TAOK3: variants seen among roughly 807,000 people sequenced by gnomAD.
TAOK3 encodes the protein serine/threonine-protein kinase TAO3.
Under a neutral mutation model 120.4 loss-of-function variants are expected in TAOK3, and 40 were observed. The ratio of observed to expected loss-of-function variants is 0.33; its 90% CI spans 0.26 to 0.43. TAOK3 has a LOEUF of 0.43. Among genes scored for constraint, TAOK3 ranks in the 20% least tolerant of loss-of-function variants. The probability of loss-of-function intolerance (pLI) is 1.00; values close to 1 mark genes in which losing one functional copy is unlikely to be tolerated. For missense variants in TAOK3, 821 were observed against 1,112.1 expected, an observed-to-expected ratio of 0.74 and a Z score of 3.72; for synonymous variants, 355 against 387.5, an observed-to-expected ratio of 0.92 and a Z score of 0.99.
intron 7 of TAOK3, chr12:118,236,094 T>C (rs1593253053): frequency 6.2e-6 from 1 of 162,034 alleles, no homozygotes; most frequent in East Asian, 1.7e-4. Context: ...TGTGACATTT[T>C]TGGAGCCTAA....
intron 1 of TAOK3, among the ~76,000 whole-genome samples, chr12:118,288,704 T>A (rs2140494151): frequency 6.6e-6 from 1 of 151,556 alleles, no homozygotes; most frequent in Admixed American, 6.6e-5. Context: ...TTTCCTGAGC[T>A]CAGGCATTCA....
intron 6 of TAOK3, 83 bp downstream of exon 6, chr12:118,239,144 C>T: frequency 1.1e-6 from 1 of 905,136 alleles, no homozygotes; most frequent in Non-Finnish European, 1.8e-6. Context: ...AATTAGACTG[C>T]CCAAACTACA....
intron 19 of TAOK3, among the ~76,000 whole-genome samples, chr12:118,158,356 T>G (rs1305029465): frequency 6.6e-6 from 1 of 152,182 alleles, no homozygotes; most frequent in Non-Finnish European, 1.5e-5. Flanking sequence ...CTTTCTGCCT[T>G]TAATCTTGAC....
intron 1 of TAOK3, among the ~76,000 whole-genome samples, chr12:118,302,637 T>A (rs1220147522): frequency 6.6e-6 from 1 of 152,040 alleles, no homozygotes; most frequent in East Asian, 1.9e-4. Flanking sequence ...CAAAAAATAT[T>A]TAGATGTGTT....
At chr12:118,262,701 C>A (rs543178582) in intron 2 of TAOK3, among the ~76,000 whole-genome samples, 2 of 151,400 alleles carry the variant, frequency 1.3e-5, no homozygotes, top group African/African-American at 4.8e-5. Flanking sequence ...GTGTCACACA[C>A]CTGTAATCCC....
chr12:118,285,859 C>A (rs2042249534), intron 1 of TAOK3, among the ~76,000 whole-genome samples: 1 of 152,118 alleles, frequency 6.6e-6, no homozygotes, highest in Admixed American at 6.6e-5. Flanking sequence ...AGACATCAAT[C>A]AACATATGCA....
chr12:118,330,584 G>T (rs1275551851), intron 1 of TAOK3, among the ~76,000 whole-genome samples: 1 of 151,974 alleles, frequency 6.6e-6, no homozygotes, highest in African/African-American at 2.4e-5. Flanking sequence ...TCACAAAGAG[G>T]AAGTATACTG....
At chr12:118,226,400 G>A (rs2039508832) in intron 9 of TAOK3, among the ~76,000 whole-genome samples, 1 of 152,018 alleles carries the variant, frequency 6.6e-6, no homozygotes, top group Admixed American at 6.6e-5. Context: ...CGGGCGTGGT[G>A]GCAGGCGCCT....
chr12:118,259,327 C>T (rs1395552117), intron 2 of TAOK3, among the ~76,000 whole-genome samples: 2 of 152,046 alleles, frequency 1.3e-5, no homozygotes, highest in African/African-American at 4.8e-5. Context: ...GGGCAGGTGG[C>T]TTGAGCCCAG....
chr12:118,166,802 A>ATGTGTGTG (rs143091392), intron 17 of TAOK3, among the ~76,000 whole-genome samples: 5 of 141,444 alleles, frequency 3.5e-5, no homozygotes, highest in Non-Finnish European at 7.6e-5. Flanking sequence ...TACTCAATGT[A>ATGTGTGTG]TGTGTGTGTG....
intron 17 of TAOK3, among the ~76,000 whole-genome samples, chr12:118,164,895 A>C (rs1279791737): frequency 6.6e-6 from 1 of 152,166 alleles, no homozygotes; most frequent in Non-Finnish European, 1.5e-5. Context: ...AATCCTTTTA[A>C]TAGCACAGCA....
At chr12:118,276,487 G>A (rs1203175065) in intron 1 of TAOK3, among the ~76,000 whole-genome samples, 1 of 151,930 alleles carries the variant, frequency 6.6e-6, no homozygotes, top group Non-Finnish European at 1.5e-5. Context: ...AGATCACGAG[G>A]TCAGGAGATC....
chr12:118,179,120 G>A (rs1202350665), intron 15 of TAOK3, among the ~76,000 whole-genome samples: 1 of 152,212 alleles, frequency 6.6e-6, no homozygotes, highest in African/African-American at 2.4e-5. Flanking sequence ...AGGTTTTCAT[G>A]CCAGACTGCC....
chr12:118,368,455 T>C (rs998294354), intron 1 of TAOK3, among the ~76,000 whole-genome samples: 7 of 150,034 alleles, frequency 4.7e-5, no homozygotes, highest in East Asian at 2.1e-4. Context: ...GCCTTGGCCT[T>C]CCAAAGTGCT....
At chr12:118,228,492 A>G (rs933904170) in intron 9 of TAOK3, among the ~76,000 whole-genome samples, 1 of 152,138 alleles carries the variant, frequency 6.6e-6, no homozygotes, top group Non-Finnish European at 1.5e-5. Context: ...AGAACTTATA[A>G]AATTTTCATA....
rs138642128 is a variant in TAOK3, at chr12:118,259,414, G to A, written c.-88-3759C>T. Among the ~76,000 whole-genome samples the A allele has an allele frequency of 2.6e-5, 4 of 152,108 alleles. No individual in the cohort carries two copies. The South Asian group carries it at 6.2e-4, about 24-fold the overall frequency. On this transcript the variant is annotated intron_variant, in intron 2 of 20. Transcript: ENST00000392533. ...AACTTAGCTGTGTATGGTGGTGTAC[G>A]CCTGTAGTCCCAGCTACTCAGGAGG... is the stretch of plus-strand genomic sequence containing the variant.
chr12:118,163,898 G>C (rs924987877), intron 17 of TAOK3, among the ~76,000 whole-genome samples: 4 of 152,000 alleles, frequency 2.6e-5, no homozygotes, highest in African/African-American at 9.7e-5. Context: ...TTTTAGTAGA[G>C]ATGGAGTTTC....
chr12:118,166,188 G>A (rs1294373263), intron 17 of TAOK3, among the ~76,000 whole-genome samples: 1 of 152,168 alleles, frequency 6.6e-6, no homozygotes, highest in Non-Finnish European at 1.5e-5. Flanking sequence ...CTTCTATAAA[G>A]AGAACTGAGG....
At chr12:118,169,919 C>T (rs901355181) in intron 17 of TAOK3, among the ~76,000 whole-genome samples, 3 of 151,888 alleles carry the variant, frequency 2.0e-5, no homozygotes, top group African/African-American at 7.3e-5. Context: ...GACGGGGTTT[C>T]ACCATGTTAG....
Sources: gnomAD v4.1 joint callset for allele counts (sites outside exome capture counted in the v4.1 genomes callset) on GRCh38, gnomAD v4.1.1 for gene constraint, MANE v1.5 for transcripts, NCBI Gene and HGNC (gene_info 2026-07-23, HGNC 2026-07-21) for gene names.